The following DCC variants were observed in gnomAD, a reference collection of about 807,000 sequenced individuals.
DCC encodes the protein DCC netrin 1 receptor, also known as netrin receptor DCC.
DCC carries 58 observed loss-of-function variants against 172.5 expected under a neutral mutation model. The observed-to-expected ratio is 0.34, with a 90% CI of 0.27 to 0.42. The LOEUF (loss-of-function observed/expected upper bound fraction) is 0.42, where lower values mean the gene tolerates loss of function less well. DCC is among the 10% of genes least tolerant of loss of function. The probability of loss-of-function intolerance (pLI) is 1.00; values close to 1 mark genes in which losing one functional copy is unlikely to be tolerated. For missense variants in DCC, 1,740 were observed against 1,791.0 expected (o/e 0.97, Z 0.51); for synonymous variants, 709 against 644.5 (o/e 1.10, Z -1.52).
At chr18:52,477,406 T>A (rs1989125076) in intron 1 of DCC, among the ~76,000 whole-genome samples, 1 of 152,180 alleles carries the variant, frequency 6.6e-6, no homozygotes, top group Admixed American at 6.5e-5. Context: ...TGAATTACCA[T>A]CTTCCTGACA....
chr18:53,182,598 A>G (rs186881662), intron 9 of DCC, among the ~76,000 whole-genome samples: 5 of 152,332 alleles, frequency 3.3e-5, no homozygotes, highest in African/African-American at 7.2e-5. Context: ...ATTAGAATAA[A>G]TAAATTATAT....
chr18:53,077,478 A>T (rs1461481843), intron 7 of DCC, among the ~76,000 whole-genome samples: 1 of 152,150 alleles, frequency 6.6e-6, no homozygotes, highest in Non-Finnish European at 1.5e-5. Flanking sequence ...CCCTCCTGTT[A>T]TGTCCTCTGG....
At chr18:53,246,967 G>T (rs992536027) in intron 12 of DCC, among the ~76,000 whole-genome samples, 1 of 152,050 alleles carries the variant, frequency 6.6e-6, no homozygotes, top group Admixed American at 6.6e-5. Context: ...TTCATATAAG[G>T]TGGTGGGAAC....
rs541640012 is a variant in DCC at position 53,187,204 on chromosome 18, C to T, written c.1573+8088C>T. 2.0e-5 allele frequency among the ~76,000 whole-genome samples: 3 copies of T among 151,520 alleles called. 1 individual carries two copies. Among genetic ancestry groups the T allele is most frequent in the African/African-American group, 7.3e-5 (3 of 41,300 alleles). ...GTGGTGTGATCTCAGCTCACTGCAA[C>T]CTCCACGTCCTGAGTTCGTGTGATT... On this transcript the variant is annotated intron_variant, in intron 9 of 28. Coordinates refer to ENST00000442544, the MANE Select transcript of DCC (RefSeq NM_005215.4).
At chr18:53,238,148 A>G (rs2056232698) in intron 12 of DCC, among the ~76,000 whole-genome samples, 1 of 152,044 alleles carries the variant, frequency 6.6e-6, no homozygotes, top group South Asian at 2.1e-4. Context: ...TTCCTTCATG[A>G]CAGCTGTTTT....
intron 1 of DCC, among the ~76,000 whole-genome samples, chr18:52,489,741 G>C (rs1004523662): frequency 1.3e-5 from 2 of 152,052 alleles, no homozygotes; most frequent in South Asian, 4.1e-4. Context: ...GCCTATCACT[G>C]TCCTAGACAG....
intron 3 of DCC, among the ~76,000 whole-genome samples, chr18:52,915,042 CTACTGGT>C (rs2145468231): frequency 6.6e-6 from 1 of 152,168 alleles, no homozygotes; most frequent in Non-Finnish European, 1.5e-5. Flanking sequence ...TTAAAAGCAA[CTACTGGT>C]TATTTTGAGG....
intron 27 of DCC, among the ~76,000 whole-genome samples, chr18:53,512,520 G>C (rs1169527066): frequency 6.8e-6 from 1 of 146,526 alleles, no homozygotes; most frequent in African/African-American, 2.5e-5. Flanking sequence ...TCTGAGCTAC[G>C]GGAGGACATT....
chr18:52,769,834 G>A (rs2037311581), intron 2 of DCC, among the ~76,000 whole-genome samples: 1 of 152,100 alleles, frequency 6.6e-6, no homozygotes. Context: ...ATCAATTGTT[G>A]AATAAAACTG....
At chr18:52,851,115 T>C (rs2038969476) in intron 2 of DCC, among the ~76,000 whole-genome samples, 1 of 152,120 alleles carries the variant, frequency 6.6e-6, no homozygotes, top group South Asian at 2.1e-4. Flanking sequence ...TGTATACTTG[T>C]CTTTTTCTTC....
intron 5 of DCC, among the ~76,000 whole-genome samples, chr18:53,059,515 T>C (rs1261421238): frequency 6.6e-6 from 1 of 152,128 alleles, no homozygotes; most frequent in African/African-American, 2.4e-5. Flanking sequence ...CAAGCCTGTA[T>C]GTTTAGACCT....
At chr18:53,185,457 A>G (rs150566584) in intron 9 of DCC, among the ~76,000 whole-genome samples, 1,595 of 152,348 alleles carry the variant, frequency 0.01, 9 homozygotes, top group Middle Eastern at 0.017. Context: ...ATTTAAATTT[A>G]AAAGTATTGA....
At chr18:52,910,708 C>G (rs899737840) in intron 3 of DCC, among the ~76,000 whole-genome samples, 32 of 152,176 alleles carry the variant, frequency 2.1e-4, no homozygotes, top group African/African-American at 7.7e-4. Context: ...CAATTACTGG[C>G]CTATACAATG....
intron 1 of DCC, among the ~76,000 whole-genome samples, chr18:52,589,002 C>T (rs2033740292): frequency 6.6e-6 from 1 of 152,044 alleles, no homozygotes; most frequent in Non-Finnish European, 1.5e-5. Flanking sequence ...AATTTGTATA[C>T]TGCATTTGTA....
At chr18:52,443,811 A>C (rs1390069970) in intron 1 of DCC, among the ~76,000 whole-genome samples, 2 of 152,174 alleles carry the variant, frequency 1.3e-5, no homozygotes, top group Non-Finnish European at 2.9e-5. Flanking sequence ...TAAATGGGTG[A>C]AGTCATCCCA....
chr18:53,531,232 A>G lies in DCC; in HGVS notation c.*579A>G, dbSNP rs538892097. On this transcript the variant is annotated 3_prime_UTR_variant, in exon 29 of 29. Coordinates refer to ENST00000442544, the MANE Select transcript of DCC (RefSeq NM_005215.4). ...GCTTATGTTTGTAACTCAGTCATTC[A>G]TCTTGCACAAGTGGTGGATATTAGT... 1 of 164,786 alleles carries G rather than the reference A, an allele frequency of 6.1e-6. No individual in the cohort carries two copies. Among genetic ancestry groups the G allele is most frequent in the East Asian group, 1.6e-4 (1 of 6,422 alleles). The allele number at this position is 164,786 out of a possible 1,614,324, so 10.2% of individuals were successfully genotyped here. A position where few individuals can be genotyped will look rare whatever the true frequency, so the allele number is the denominator to read the frequency against.
chr18:52,523,390 CCTTT>C (rs1414565003), intron 1 of DCC, among the ~76,000 whole-genome samples: 1 of 152,072 alleles, frequency 6.6e-6, no homozygotes, highest in Admixed American at 6.6e-5. Context: ...CCTCTCAGTC[CCTTT>C]CTATTTAGTT....
intron 15 of DCC, among the ~76,000 whole-genome samples, chr18:53,375,884 G>A (rs1233821993): frequency 1.3e-5 from 2 of 152,030 alleles, no homozygotes; most frequent in African/African-American, 2.4e-5. Context: ...ACCAAAGGCT[G>A]CTCTGCATAA....
chr18:53,179,259 G>T (rs1013727123), intron 9 of DCC, 143 bp downstream of exon 9: 3 of 828,344 alleles, frequency 3.6e-6, no homozygotes, highest in Non-Finnish European at 5.9e-6. Flanking sequence ...ATAACTCGAG[G>T]ACTTTTAAAA....
Sources: allele counts gnomAD v4.1 joint callset (sites outside exome capture counted in the v4.1 genomes callset), GRCh38; gene constraint gnomAD v4.1.1; transcripts MANE v1.5; gene names NCBI Gene and HGNC (gene_info 2026-07-23, HGNC 2026-07-21).